The following BTC variants were observed in gnomAD, a reference collection of about 807,000 sequenced individuals.
BTC encodes the protein betacellulin.
Under a neutral mutation model 18.1 loss-of-function variants are expected in BTC, and 13 were observed. That is an observed-to-expected ratio of 0.72 (90% CI 0.47 to 1.14). The LOEUF is 1.14. BTC is among the 50% of genes most tolerant of loss of function. The pLI is 0.00. For synonymous variants in BTC, 83 were observed against 79.4 expected (o/e 1.05, Z -0.24); for missense variants, 247 against 224.2 (o/e 1.10, Z -0.65).
chr4:74,770,469 G>A (rs1725008845), intron 1 of BTC, among the ~76,000 whole-genome samples: 1 of 152,162 alleles, frequency 6.6e-6, no homozygotes, highest in Admixed American at 6.6e-5. Flanking sequence ...CCCAGTCCCT[G>A]AGTGAAACTA....
intron 1 of BTC, among the ~76,000 whole-genome samples, chr4:74,780,708 C>A (rs9990986): frequency 9.9e-5 from 15 of 152,070 alleles, no homozygotes; most frequent in African/African-American, 3.1e-4. Flanking sequence ...GTCTTTAATG[C>A]AAAAACTAAG....
chr4:74,788,979 G>T (rs1201225766), intron 1 of BTC, among the ~76,000 whole-genome samples: 2 of 152,208 alleles, frequency 1.3e-5, no homozygotes, highest in Non-Finnish European at 2.9e-5. Context: ...GGGAGAGAGG[G>T]AGTGGATGTG....
At chr4:74,770,839 A>T in intron 1 of BTC, among the ~76,000 whole-genome samples, 1 of 151,902 alleles carries the variant, frequency 6.6e-6, no homozygotes, top group Non-Finnish European at 1.5e-5. Flanking sequence ...AGATAATATT[A>T]AAAAATTGTT....
At chr4:74,749,291 G>A (rs1724383300) in intron 4 of BTC, among the ~76,000 whole-genome samples, 1 of 151,964 alleles carries the variant, frequency 6.6e-6, no homozygotes, top group Non-Finnish European at 1.5e-5. Flanking sequence ...GTTGGGTGTG[G>A]TGGCGGGCCC....
Position 74,770,136 on chromosome 4 carries a change from C to G in BTC, c.85G>C (p.Val29Leu), listed in dbSNP as rs764706855. The G allele has an allele frequency of 1.2e-6, 2 of 1,612,800 alleles. No individual in the cohort carries two copies. Among genetic ancestry groups the G allele is most frequent in the East Asian group, 2.2e-5 (1 of 44,822 alleles). The change falls in exon 2 of 6, where the codon GTG becomes CTG. Residue 29 changes from valine to leucine, a missense_variant. Transcript: ENST00000395743. ...LALGLVILHC[V>L]VADGNSTRSP... ...CTGGTGGAATTCCCATCTGCCACCACACAGTGAAGGATCACTAGACCTTCA... is the reference window on the plus strand; with the variant it reads ...CTGGTGGAATTCCCATCTGCCACCAGACAGTGAAGGATCACTAGACCTTCA...
rs1056820527 is a variant in BTC, at chr4:74,746,063, A to G, written c.*614T>C. The G allele has an allele frequency of 6.6e-6, 1 of 152,214 alleles. No individual in the cohort carries two copies. 9.4% of individuals were successfully genotyped at this position (152,214 alleles called of 1,614,324 possible). A position where few individuals can be genotyped will look rare whatever the true frequency, so the allele number is the denominator to read the frequency against. The stretch of plus-strand genomic sequence containing the variant: ...ACAGTTCAGTATAAAACCTTGGGTT[A>G]TATTATTGAGTTAGGTTGCACCGAT... On this transcript the variant is annotated 3_prime_UTR_variant, in exon 6 of 6. Coordinates refer to ENST00000395743, the MANE Select transcript of BTC (RefSeq NM_001729.4).
At chr4:74,765,768 C>T (rs186745757) in intron 2 of BTC, among the ~76,000 whole-genome samples, 1 of 152,228 alleles carries the variant, frequency 6.6e-6, no homozygotes, top group East Asian at 1.9e-4. Flanking sequence ...ACAAAGAAAC[C>T]TCCATCACAC....
chr4:74,763,137 A>G (rs1724807507), intron 2 of BTC, among the ~76,000 whole-genome samples: 1 of 152,168 alleles, frequency 6.6e-6, no homozygotes, highest in East Asian at 1.9e-4. Flanking sequence ...TAAAATGTAT[A>G]ACTGTTTTTA....
At chr4:74,792,173 T>C (rs1455727918) in intron 1 of BTC, among the ~76,000 whole-genome samples, 2 of 152,218 alleles carry the variant, frequency 1.3e-5, no homozygotes, top group Non-Finnish European at 2.9e-5. Flanking sequence ...CTTAGCATTT[T>C]GCAAGAAATA....
rs1724340351 is a variant in BTC at position 74,748,140 on chromosome 4, C to T, written c.438G>A (p.Arg146=). ...CTTTCTTCTTTCTTTTACGACGTTTCCGAAGAGGGCTTGGAAAATACGTGT... is the reference window on the plus strand; with the variant it reads ...CTTTCTTCTTTCTTTTACGACGTTTTCGAAGAGGGCTTGGAAAATACGTGT... ...IGVCTCCHPL[R]KRRKRKKKEE... The change falls in exon 5 of 6, where the codon CGG becomes CGA. Residue 146 remains arginine (R), a synonymous_variant. Coordinates refer to ENST00000395743, the MANE Select transcript of BTC (RefSeq NM_001729.4). 5 of 1,605,124 alleles carry T rather than the reference C, an allele frequency of 3.1e-6. No individual in the cohort carries two copies. Among genetic ancestry groups the T allele is most frequent in the Non-Finnish European group, 4.2e-6 (5 of 1,177,006 alleles).
At position 74,776,338 on chromosome 4, in the gene BTC, G is replaced by A. The variant is rs1010100131; in HGVS notation, c.65-6182C>T. Among the ~76,000 whole-genome samples the A allele has an allele frequency of 4.6e-5, 7 of 151,980 alleles. No homozygotes were observed. In the East Asian group the frequency reaches 1.2e-3, roughly 25 times the overall value. On this transcript the variant is annotated intron_variant, in intron 1 of 5. Coordinates refer to ENST00000395743, the MANE Select transcript of BTC (RefSeq NM_001729.4). ...TTGCAGGACCTGAAGAATTTCTCAGGTGCATTAAAGCAATACAAACAAAAT... is the reference window on the plus strand; with the variant it reads ...TTGCAGGACCTGAAGAATTTCTCAGATGCATTAAAGCAATACAAACAAAAT...
At chr4:74,774,775 T>C (rs1168975410) in intron 1 of BTC, among the ~76,000 whole-genome samples, 1 of 152,078 alleles carries the variant, frequency 6.6e-6, no homozygotes, top group African/African-American at 2.4e-5. Flanking sequence ...GGGATTCTGT[T>C]ATGCAGCTAA....
chr4:74,771,825 GT>G (rs1322292020), intron 1 of BTC, among the ~76,000 whole-genome samples: 1 of 152,138 alleles, frequency 6.6e-6, no homozygotes, highest in African/African-American at 2.4e-5. Context: ...ATGGCTAATG[GT>G]TTTTCCTAAG....
intron 5 of BTC, 63 bp downstream of exon 5, chr4:74,747,977 G>A (rs1724333944): frequency 2.5e-6 from 2 of 800,298 alleles, no homozygotes; most frequent in South Asian, 4.1e-5. Flanking sequence ...ATGCAAGTAA[G>A]CCCAATCTAA....
intron 1 of BTC, among the ~76,000 whole-genome samples, chr4:74,771,119 G>T (rs1004654811): frequency 2.6e-5 from 4 of 151,886 alleles, no homozygotes; most frequent in African/African-American, 9.7e-5. Flanking sequence ...TGTCCTCTCT[G>T]GTTCGTATAT....
At chr4:74,758,551 G>A (rs997042117) in intron 2 of BTC, among the ~76,000 whole-genome samples, 6 of 152,172 alleles carry the variant, frequency 3.9e-5, no homozygotes, top group South Asian at 2.1e-4. Context: ...AAAGCATACC[G>A]GCCTTTAAAT....
chr4:74,758,720 A>G (rs1488371759), intron 2 of BTC, among the ~76,000 whole-genome samples: 3 of 152,200 alleles, frequency 2.0e-5, no homozygotes, highest in Admixed American at 6.5e-5. Flanking sequence ...GCCTTCGTTC[A>G]TCCAAGCAGC....
At position 74,786,967 on chromosome 4, in the gene BTC, A is replaced by ATT. The variant is rs3087017; in HGVS notation, c.64+7293_64+7294dup. Among the ~76,000 whole-genome samples the ATT allele has an allele frequency of 4.9e-3, 710 of 144,724 alleles. 3 individuals carry two copies. The highest frequency in any genetic ancestry group is 0.016 in the African/African-American group (640 of 39,702). 94.9% of individuals were successfully genotyped at this position (144,724 alleles called of 152,430 possible). A position where few individuals can be genotyped will look rare whatever the true frequency, so the allele number is the denominator to read the frequency against. On this transcript the variant is annotated intron_variant, in intron 1 of 5. Transcript: ENST00000395743. ...CAGTGTTTTGCCAACAAGAAATACA[A>ATT]TTTTTTTTTTTTTTTACTTAACCTG...
chr4:74,767,597 A>G (rs1344089909), intron 2 of BTC, among the ~76,000 whole-genome samples: 3 of 152,118 alleles, frequency 2.0e-5, no homozygotes, highest in African/African-American at 7.2e-5. Context: ...GGAAACTACA[A>G]AGGACCCTGG....
Sources: gnomAD v4.1 joint callset for allele counts (sites outside exome capture counted in the v4.1 genomes callset) on GRCh38, gnomAD v4.1.1 for gene constraint, MANE v1.5 for transcripts, NCBI Gene and HGNC (gene_info 2026-07-23, HGNC 2026-07-21) for gene names.